Variants in AHI1 observed in about 807,000 individuals in gnomAD.
AHI1 encodes jouberin.
In AHI1, 123 loss-of-function variants were observed where a neutral mutation model predicts 149.3. The observed-to-expected ratio is 0.82, with a 90% CI of 0.71 to 0.96. The LOEUF (loss-of-function observed/expected upper bound fraction) is 0.96. Ranked by LOEUF, AHI1 falls within the 40% of genes least tolerant of loss-of-function variation. The probability of loss-of-function intolerance (pLI) is 0.00; values close to 1 mark genes in which losing one functional copy is unlikely to be tolerated. For synonymous variants in AHI1, 475 were observed against 459.8 expected (o/e 1.03, Z -0.42); for missense variants, 1,439 against 1,422.7 (o/e 1.01, Z -0.18).
chr6:135,472,514 T>A (rs757979256), intron 5 of AHI1, among the ~76,000 whole-genome samples: 5 of 152,232 alleles, frequency 3.3e-5, no homozygotes, highest in Non-Finnish European at 5.9e-5. Flanking sequence ...TACCCAGAAG[T>A]GGAATTGCTG....
At chr6:135,347,738 A>C (rs1004292777) in intron 24 of AHI1, among the ~76,000 whole-genome samples, 1 of 152,202 alleles carries the variant, frequency 6.6e-6, no homozygotes, top group African/African-American at 2.4e-5. Context: ...GAACACCCAC[A>C]GCTATAAATG....
Position 135,466,321 on chromosome 6 carries a change from T to C in AHI1, c.242A>G (p.Asp81Gly), listed in dbSNP as rs538208208. Residue 81 changes from aspartate (D) to glycine (G), a missense_variant, in exon 7 of 29, where the codon GAT becomes GGT. Coordinates refer to ENST00000265602, the MANE Select transcript of AHI1 (RefSeq NM_001134831.2). ...LPHIKETTSD[D>G]VSAANTNNLK... ...GTTGTTAGTGTTAGCAGCACTTACA[T>C]CATCACTTGTAGTTTCTTTAATATG... 6.1e-5 allele frequency: 98 copies of C among 1,613,958 alleles called. No individual in the cohort carries two copies. Among genetic ancestry groups the C allele is most frequent in the Non-Finnish European group, 8.0e-5 (94 of 1,179,860 alleles).
chr6:135,325,141 C>T (rs1418187870), intron 24 of AHI1, among the ~76,000 whole-genome samples: 1 of 151,930 alleles, frequency 6.6e-6, no homozygotes, highest in East Asian at 1.9e-4. Flanking sequence ...ATTCTCCTGC[C>T]TCAGCCTCCT....
intron 24 of AHI1, among the ~76,000 whole-genome samples, chr6:135,330,221 T>C (rs550701440): frequency 2.0e-5 from 3 of 152,352 alleles, no homozygotes; most frequent in Non-Finnish European, 4.4e-5. Flanking sequence ...CAGCACTACA[T>C]GCTACAGAGA....
chr6:135,425,100 T>C (rs952624276), intron 20 of AHI1, among the ~76,000 whole-genome samples: 5 of 151,962 alleles, frequency 3.3e-5, no homozygotes, highest in South Asian at 2.1e-4. Flanking sequence ...TTTTTAAAAA[T>C]AGCAACGAGT....
chr6:135,480,803 G>A (rs954043905), intron 5 of AHI1, among the ~76,000 whole-genome samples: 2 of 152,184 alleles, frequency 1.3e-5, no homozygotes, highest in Non-Finnish European at 2.9e-5. Flanking sequence ...TGGTGGGTGA[G>A]AGCATTATTG....
chr6:135,346,532 C>T (rs1791254262), intron 24 of AHI1, among the ~76,000 whole-genome samples: 1 of 151,928 alleles, frequency 6.6e-6, no homozygotes, highest in South Asian at 2.1e-4. Context: ...CTTTAAATTA[C>T]CAAGTGGTAA....
At chr6:135,366,202 T>G (rs957056313) in intron 23 of AHI1, among the ~76,000 whole-genome samples, 1 of 152,172 alleles carries the variant, frequency 6.6e-6, no homozygotes, top group South Asian at 2.1e-4. Flanking sequence ...TTGTTGAGGA[T>G]TTTTGCATTT....
intron 27 of AHI1, among the ~76,000 whole-genome samples, chr6:135,294,698 C>CAAAAAAAAAAAAAAAAAAAAAAAAAA (rs56734547): frequency 2.9e-5 from 2 of 68,012 alleles, no homozygotes; most frequent in Non-Finnish European, 6.0e-5. Flanking sequence ...TCTCCAAATG[C>CAAAAAAAAAAAAAAAAAAAAAAAAAA]AAAAAAAAAA....
chr6:135,491,810 T>C (rs1795289811), intron 4 of AHI1, among the ~76,000 whole-genome samples: 1 of 152,230 alleles, frequency 6.6e-6, no homozygotes, highest in African/African-American at 2.4e-5. Context: ...GATTAAGAAT[T>C]GTTATAACTG....
At chr6:135,468,709 T>C (rs1330850199) in intron 5 of AHI1, among the ~76,000 whole-genome samples, 3 of 152,190 alleles carry the variant, frequency 2.0e-5, no homozygotes, top group African/African-American at 7.2e-5. Flanking sequence ...CATCAGAGAA[T>C]ACTATAAACA....
intron 25 of AHI1, among the ~76,000 whole-genome samples, chr6:135,321,710 T>C (rs1035290225): frequency 6.6e-6 from 1 of 152,216 alleles, no homozygotes; most frequent in African/African-American, 2.4e-5. Flanking sequence ...GAAAACCAAT[T>C]ATTATTTATA....
intron 26 of AHI1, among the ~76,000 whole-genome samples, chr6:135,307,621 T>C (rs1784666879): frequency 6.6e-6 from 1 of 151,974 alleles, no homozygotes; most frequent in South Asian, 2.1e-4. Flanking sequence ...CATTACAGGA[T>C]CTTAAAATGA....
chr6:135,407,823 T>C lies in AHI1; in HGVS notation c.2962-2846A>G, dbSNP rs376806149. On this transcript the variant is annotated intron_variant, in intron 21 of 28. Coordinates refer to ENST00000265602, the MANE Select transcript of AHI1 (RefSeq NM_001134831.2). ...GTCAGGAGATCGAGATCATCCTGGC[T>C]AACACGGTGAAACCCCGTCTCTACT... Among the ~76,000 whole-genome samples the C allele has an allele frequency of 2.3e-4, 35 of 152,038 alleles. 1 individual carries two copies. The South Asian group carries it at 7.3e-3, about 32-fold the overall frequency.
chr6:135,332,622 A>C (rs1017114618), intron 24 of AHI1, among the ~76,000 whole-genome samples: 1 of 152,242 alleles, frequency 6.6e-6, no homozygotes, highest in Admixed American at 6.5e-5. Context: ...TCACCTTCCA[A>C]GAAATTGGGA....
chr6:135,403,932 C>T (rs148398830), intron 22 of AHI1, among the ~76,000 whole-genome samples: 31 of 151,820 alleles, frequency 2.0e-4, no homozygotes, highest in Middle Eastern at 3.4e-3. Context: ...TGACATGTTC[C>T]TCCCTCCCTA....
At chr6:135,407,683 A>G (rs1329199118) in intron 21 of AHI1, among the ~76,000 whole-genome samples, 6 of 152,118 alleles carry the variant, frequency 3.9e-5, no homozygotes, top group African/African-American at 1.4e-4. Context: ...TAAATTATCA[A>G]TTTGCTTCTC....
At chr6:135,477,250 C>T (rs1792822472) in intron 5 of AHI1, among the ~76,000 whole-genome samples, 1 of 152,054 alleles carries the variant, frequency 6.6e-6, no homozygotes, top group Non-Finnish European at 1.5e-5. Context: ...CTGTGTTAGC[C>T]AGGATGGTCT....
At chr6:135,450,371 A>G (rs1419869424) in intron 11 of AHI1, among the ~76,000 whole-genome samples, 1 of 152,242 alleles carries the variant, frequency 6.6e-6, no homozygotes, top group Non-Finnish European at 1.5e-5. Flanking sequence ...TTCAGGAATG[A>G]TAAGTTAAGG....
Sources: gnomAD v4.1 joint callset for allele counts (sites outside exome capture counted in the v4.1 genomes callset) on GRCh38, gnomAD v4.1.1 for gene constraint, MANE v1.5 for transcripts, NCBI Gene and HGNC (gene_info 2026-07-23, HGNC 2026-07-21) for gene names.